The following ANKRD17 variants were observed in gnomAD, a reference collection of about 807,000 sequenced individuals.
The protein encoded by ANKRD17 is ankyrin repeat domain 17.
Under a neutral mutation model 229.7 loss-of-function variants are expected in ANKRD17, and 19 were observed. The observed-to-expected ratio is 0.08, with a 90% CI of 0.06 to 0.12. The LOEUF is 0.12. Among genes scored for constraint, ANKRD17 ranks in the 10% least tolerant of loss-of-function variants. The pLI, the probability that ANKRD17 is intolerant of heterozygous loss-of-function variation, is 1.00. For missense variants in ANKRD17, 2,176 were observed against 3,176.8 expected (o/e 0.68, Z 7.57); for synonymous variants, 1,112 against 1,146.1 (o/e 0.97, Z 0.60).
Position 73,078,828 on chromosome 4 carries a change from G to T in ANKRD17, c.7222C>A (p.Pro2408Thr), listed in dbSNP as rs938512511. ...TTGCTGGGCTTTTCTGACCCTAACG[G>T]TACTGATGATGGGGCAGGAGATGGT... is the stretch of plus-strand genomic sequence containing the variant. ...RAPSPAPSSV[P>T]LGSEKPSNVS... Residue 2408 changes from proline to threonine, a missense_variant, in exon 31 of 34, where the codon CCG (proline) becomes ACG (threonine). Around this residue, in one of 18 missense-constraint regions of ANKRD17, gnomAD observed 87 missense variants for 116.0 expected, o/e 0.75. Coordinates refer to ENST00000358602, the MANE Select transcript of ANKRD17 (RefSeq NM_032217.5). 1 of 1,614,158 alleles carries T rather than the reference G, an allele frequency of 6.2e-7. No individual in the cohort carries two copies. The highest frequency in any genetic ancestry group is 8.5e-7 in the Non-Finnish European group (1 of 1,180,014).
chr4:73,204,239 TA>T (rs1739121706), intron 1 of ANKRD17, among the ~76,000 whole-genome samples: 1 of 150,582 alleles, frequency 6.6e-6, no homozygotes, highest in African/African-American at 2.4e-5. Context: ...CGGGCTCCTG[TA>T]GTCCCAGCTA....
intron 1 of ANKRD17, among the ~76,000 whole-genome samples, chr4:73,203,758 C>CAAAAAAAAAA (rs67020753): frequency 2.4e-5 from 2 of 82,142 alleles, no homozygotes; most frequent in Non-Finnish European, 4.4e-5. Flanking sequence ...GACTCCGTCT[C>CAAAAAAAAAA]AAAAAAAAAA....
intron 1 of ANKRD17, among the ~76,000 whole-genome samples, chr4:73,228,314 T>C (rs1055760698): frequency 1.3e-5 from 2 of 152,210 alleles, no homozygotes; most frequent in East Asian, 3.8e-4. Flanking sequence ...TTATTTCTCC[T>C]AAACTACTCA....
chr4:73,076,059 C>A lies in ANKRD17; in HGVS notation c.*172G>T. The A allele has an allele frequency of 2.1e-6, 1 of 482,520 alleles. No individual in the cohort carries two copies. The highest frequency in any genetic ancestry group is 4.2e-5 in the South Asian group (1 of 24,016). 29.9% of individuals were successfully genotyped at this position (482,520 alleles called of 1,614,324 possible). On this transcript the variant is annotated 3_prime_UTR_variant, in exon 34 of 34. Coordinates refer to ENST00000358602, the MANE Select transcript of ANKRD17 (RefSeq NM_032217.5). ...AAAACGGATGATGATGGGGAATGGG[C>A]AGTCACAAATGTTCACAGAAAATAG...
intron 29 of ANKRD17, among the ~76,000 whole-genome samples, chr4:73,087,091 T>C (rs1477265479): frequency 1.3e-5 from 2 of 149,270 alleles, no homozygotes; most frequent in African/African-American, 4.9e-5. Context: ...CCACAGCCAA[T>C]ACTGGAACAA....
At position 73,077,076 on chromosome 4, in the gene ANKRD17, G is replaced by A. The variant is rs758828162; in HGVS notation, c.7616C>T (p.Ala2539Val). 6.2e-7 allele frequency: 1 copy of A among 1,607,880 alleles called. No homozygotes were observed. The highest frequency in any genetic ancestry group is 1.1e-5 in the South Asian group (1 of 89,710). The change falls in exon 33 of 34, where the codon GCA (alanine) becomes GTA (valine). Residue 2539 changes from alanine (A) to valine (V), a missense_variant. By Grantham distance (64) the Ala-to-Val change is moderately conservative. Coordinates refer to ENST00000358602, the MANE Select transcript of ANKRD17 (RefSeq NM_032217.5). ...GGMPFSVYGN[A>V]MIPPVAPIPD... ...GATAGGTGCTACTGGAGGAATCATT[G>A]CATTCCCATACACAGAAAAAGGCAT...
intron 26 of ANKRD17, 63 bp from the exon 27 acceptor site, chr4:73,097,335 A>T (rs1358228344): frequency 1.4e-6 from 2 of 1,407,512 alleles, no homozygotes; most frequent in Admixed American, 2.7e-5. Flanking sequence ...TAAATGATAA[A>T]GGTAGTCTAC....
chr4:73,257,917 T>C (rs1745605275), intron 1 of ANKRD17, among the ~76,000 whole-genome samples: 2 of 151,880 alleles, frequency 1.3e-5, no homozygotes, highest in East Asian at 3.9e-4. Flanking sequence ...TTGATCCCGA[T>C]CCCGCCTCAG....
chr4:73,177,265 T>C, intron 2 of ANKRD17, 115 bp downstream of exon 2: 3 of 1,018,334 alleles, frequency 2.9e-6, no homozygotes, highest in Non-Finnish European at 4.0e-6. Flanking sequence ...AATTAACCTT[T>C]ATTAATAGTA....
At chr4:73,173,940 C>G (rs1187251769) in intron 2 of ANKRD17, among the ~76,000 whole-genome samples, 1 of 151,966 alleles carries the variant, frequency 6.6e-6, no homozygotes. Flanking sequence ...ATAATTTCAA[C>G]TGGGCATAAA....
At chr4:73,161,756 C>T (rs1382344573) in intron 2 of ANKRD17, among the ~76,000 whole-genome samples, 1 of 152,176 alleles carries the variant, frequency 6.6e-6, no homozygotes, top group African/African-American at 2.4e-5. Context: ...AGAACAGAGA[C>T]ACAGAAAGAG....
intron 24 of ANKRD17, among the ~76,000 whole-genome samples, chr4:73,108,459 G>T (rs1724906378): frequency 6.6e-6 from 1 of 152,136 alleles, no homozygotes; most frequent in Non-Finnish European, 1.5e-5. Context: ...CAAGTCAAAA[G>T]GCTTTTCGCT....
intron 1 of ANKRD17, among the ~76,000 whole-genome samples, chr4:73,253,156 C>A (rs951083750): frequency 2.0e-5 from 3 of 152,172 alleles, no homozygotes; most frequent in African/African-American, 7.2e-5. Context: ...TCCTTCTATG[C>A]CAGTATGTTT....
Position 73,258,725 on chromosome 4 carries a change from G to A in ANKRD17, c.-57C>T. 7.2e-7 allele frequency: 1 copy of A among 1,382,650 alleles called. No individual in the cohort carries two copies. Among genetic ancestry groups the A allele is most frequent in the South Asian group, 1.6e-5 (1 of 61,678 alleles). The allele number at this position is 1,382,650 out of a possible 1,614,324, so 85.6% of individuals were successfully genotyped here. ...GAGGGGCGTGGGGCTACGCTCTACC[G>A]CGACTTCGGCCGCACTGGGGCCGAC... is the stretch of plus-strand genomic sequence containing the variant. On this transcript the variant is annotated 5_prime_UTR_variant, in exon 1 of 34. Coordinates refer to ENST00000358602, the MANE Select transcript of ANKRD17 (RefSeq NM_032217.5).
Position 73,197,323 on chromosome 4 carries a change from T to C in ANKRD17, c.394-19790A>G, listed in dbSNP as rs1738022552. Among the ~76,000 whole-genome samples the C allele has an allele frequency of 3.3e-5, 5 of 152,292 alleles. No individual in the cohort carries two copies. The South Asian group carries it at 8.3e-4, about 25-fold the overall frequency. ...GATAACTGTGCTATCATGCAATAAA[T>C]GCAATGTGATAAACCTCCCAATCTG... On this transcript the variant is annotated intron_variant, in intron 1 of 33. Transcript: ENST00000358602.
chr4:73,126,233 G>T (rs1209976245), intron 16 of ANKRD17, among the ~76,000 whole-genome samples: 1 of 152,146 alleles, frequency 6.6e-6, no homozygotes, highest in African/African-American at 2.4e-5. Flanking sequence ...ATCTTCAGCT[G>T]AGTTTTGATC....
intron 25 of ANKRD17, chr4:73,098,767 T>C: frequency 8.6e-7 from 1 of 1,156,206 alleles, no homozygotes; most frequent in Non-Finnish European, 1.3e-6. Flanking sequence ...CTGGCGTGGC[T>C]CCAGGAAGGC....
rs145856425 is a variant in ANKRD17 at position 73,236,303 on chromosome 4, G to A, written c.393+21973C>T. Among the ~76,000 whole-genome samples the A allele has an allele frequency of 1.6e-3, 241 of 152,108 alleles. 2 individuals are homozygous for A. The highest frequency in any genetic ancestry group is 2.5e-4 in the Non-Finnish European group (17 of 67,970). ...CCCAAGTAGCTAGGACTACCAGTAC[G>A]TGCCACCACACCCACCTAATTTTTA... On this transcript the variant is annotated intron_variant, in intron 1 of 33. Transcript: ENST00000358602.
At chr4:73,245,984 T>C (rs538405340) in intron 1 of ANKRD17, among the ~76,000 whole-genome samples, 23 of 152,292 alleles carry the variant, frequency 1.5e-4, no homozygotes, top group Middle Eastern at 3.4e-3. Context: ...CGGCCCTGCA[T>C]CTATACCAAC....
Sources: gnomAD v4.1 joint callset for allele counts (sites outside exome capture counted in the v4.1 genomes callset) on GRCh38, gnomAD v4.1.1 for gene constraint, gnomAD v4.1.1 regional missense constraint, MANE v1.5 for transcripts, NCBI Gene and HGNC (gene_info 2026-07-23, HGNC 2026-07-21) for gene names.